Variants in MUCL1 observed in about 807,000 individuals in gnomAD.
The protein encoded by MUCL1 is mucin-like protein 1.
MUCL1 carries 11 observed loss-of-function variants against 9.2 expected under a neutral mutation model. That is an observed-to-expected ratio of 1.19 (90% CI 0.75 to 1.97). The LOEUF is 1.97. Ranked by LOEUF, MUCL1 falls within the 30% of genes most tolerant of loss-of-function variation. The pLI, the probability that MUCL1 is intolerant of heterozygous loss-of-function variation, is 0.00. For synonymous variants in MUCL1, 48 were observed against 40.5 expected, an observed-to-expected ratio of 1.19 and a Z score of -0.71; for missense variants, 144 against 110.9, an observed-to-expected ratio of 1.30 and a Z score of -1.34.
chr12:54,837,346 T>C (rs756860836), upstream of MUCL1, among the ~76,000 whole-genome samples: 1 of 152,122 alleles, frequency 6.6e-6, no homozygotes, highest in Non-Finnish European at 1.5e-5. Context: ...TTTTTTTGGG[T>C]TTTTATGTTT....
At chr12:54,855,690 G>T (rs1269281959) in intron 2 of MUCL1, among the ~76,000 whole-genome samples, 1 of 152,148 alleles carries the variant, frequency 6.6e-6, no homozygotes, top group Admixed American at 6.6e-5. Flanking sequence ...ACCTGAAAAC[G>T]AAGGTGGTAG....
At chr12:54,855,004 G>A (rs1050387421) in intron 1 of MUCL1, 112 bp from the exon 2 acceptor site, 9 of 870,486 alleles carry the variant, frequency 1.0e-5, no homozygotes, top group Middle Eastern at 2.2e-4. Context: ...GGTACACCAA[G>A]GACTGAGGGT....
intron 1 of MUCL1, among the ~76,000 whole-genome samples, chr12:54,848,290 T>C (rs1004493564): frequency 6.6e-6 from 1 of 152,138 alleles, no homozygotes; most frequent in Non-Finnish European, 1.5e-5. Flanking sequence ...CTTTGTGATA[T>C]GCTCTACATT....
At chr12:54,846,589 G>A (rs1472240965) in intron 1 of MUCL1, among the ~76,000 whole-genome samples, 1 of 152,142 alleles carries the variant, frequency 6.6e-6, no homozygotes, top group Non-Finnish European at 1.5e-5. Context: ...GCAGTGAGTG[G>A]GATGAGCCAT....
At chr12:54,839,524 T>G (rs1438573245) in intron 1 of MUCL1, 2 of 700,278 alleles carry the variant, frequency 2.9e-6, no homozygotes, top group South Asian at 1.5e-5. Flanking sequence ...CTCAGTGAAA[T>G]GCACTGAGGT....
chr12:54,840,410 A>T (rs1291094757), intron 1 of MUCL1, among the ~76,000 whole-genome samples: 1 of 152,210 alleles, frequency 6.6e-6, no homozygotes, highest in African/African-American at 2.4e-5. Flanking sequence ...AGAATGCTGT[A>T]TTATTCTGCC....
intron 2 of MUCL1, among the ~76,000 whole-genome samples, chr12:54,855,763 T>C (rs746941027): frequency 6.6e-6 from 1 of 152,254 alleles, no homozygotes; most frequent in Non-Finnish European, 1.5e-5. Context: ...GTACTGTGTG[T>C]GTGTTGTGCC....
chr12:54,856,872 C>A lies in MUCL1; in HGVS notation c.203C>A (p.Thr68Asn), dbSNP rs149273418. ...ACTGCAACCACCGCTGCTTCTACCA[C>A]TGCTCGTAAAGACATTCCAGGTAGC... Reference protein sequence around the residue: ...PTTATTAASTTARKDIPVLPK... With the variant: ...PTTATTAASTNARKDIPVLPK... Residue 68 changes from threonine to asparagine, a missense_variant, in exon 3 of 4, where the codon ACT becomes AAT. By Grantham distance (65) the Thr-to-Asn change is moderately conservative. Transcript: ENST00000308796. 37 of 1,613,884 alleles carry A rather than the reference C, an allele frequency of 2.3e-5. No homozygotes were observed. In the African/African-American group the frequency reaches 4.3e-4, roughly 19 times the overall value.
intron 1 of MUCL1, among the ~76,000 whole-genome samples, chr12:54,845,119 TGCCCACACATG>T (rs1382116038): frequency 1.3e-5 from 2 of 152,350 alleles, no homozygotes; most frequent in South Asian, 2.1e-4. Flanking sequence ...TCGGCCAGAA[TGCCCACACATG>T]GCCTTTCTTT....
At chr12:54,842,954 C>A (rs1034423821) in intron 1 of MUCL1, among the ~76,000 whole-genome samples, 1 of 152,056 alleles carries the variant, frequency 6.6e-6, no homozygotes, top group East Asian at 1.9e-4. Flanking sequence ...TGTTTAGATA[C>A]GTTTAGACAC....
intron 3 of MUCL1, among the ~76,000 whole-genome samples, chr12:54,857,597 G>A (rs1010009274): frequency 6.6e-6 from 1 of 152,074 alleles, no homozygotes; most frequent in Admixed American, 6.6e-5. Flanking sequence ...GTCATTCTAT[G>A]AAGTAAACAT....
At chr12:54,833,952 C>T (rs1959188922) in intron 1 of MUCL1, among the ~76,000 whole-genome samples, 1 of 139,342 alleles carries the variant, frequency 7.2e-6, no homozygotes, top group Non-Finnish European at 1.6e-5. Context: ...GCACATGTAC[C>T]CTAAAACTTA....
intron 1 of MUCL1, among the ~76,000 whole-genome samples, chr12:54,844,415 G>A (rs1416504470): frequency 6.6e-6 from 1 of 152,116 alleles, no homozygotes; most frequent in Non-Finnish European, 1.5e-5. Context: ...GATGAACCAT[G>A]ACACACATTT....
chr12:54,833,688 G>A (rs1449512540), intron 1 of MUCL1, among the ~76,000 whole-genome samples: 1 of 151,958 alleles, frequency 6.6e-6, no homozygotes, highest in East Asian at 1.9e-4. Context: ...GGATGAAGCT[G>A]GAAACCATCA....
chr12:54,849,554 A>G (rs2135944021), upstream of MUCL1, among the ~76,000 whole-genome samples: 1 of 152,154 alleles, frequency 6.6e-6, no homozygotes, highest in Admixed American at 6.5e-5. Context: ...TTACATATCC[A>G]CTAGTATATA....
chr12:54,849,302 A>G (rs546121978), intron 1 of MUCL1, among the ~76,000 whole-genome samples: 16 of 152,252 alleles, frequency 1.1e-4, no homozygotes, highest in African/African-American at 3.8e-4. Flanking sequence ...AATATTAGCC[A>G]TAAAGGAGTA....
At chr12:54,856,700 A>G in intron 2 of MUCL1, 70 bp from the exon 3 acceptor site, 1 of 1,544,738 alleles carries the variant, frequency 6.5e-7, no homozygotes, top group Non-Finnish European at 8.8e-7. Flanking sequence ...ATGTATGTCT[A>G]CCCCTGGGTG....
At chr12:54,835,540 G>T (rs1042587186), upstream of MUCL1, among the ~76,000 whole-genome samples, 1 of 150,162 alleles carries the variant, frequency 6.7e-6, no homozygotes, top group African/African-American at 2.4e-5. Flanking sequence ...TATATTTATT[G>T]GCCATTTGTA....
chr12:54,832,906 C>T (rs980407882), intron 1 of MUCL1, among the ~76,000 whole-genome samples: 1 of 151,958 alleles, frequency 6.6e-6, no homozygotes, highest in Non-Finnish European at 1.5e-5. Flanking sequence ...ATAAAGTGAT[C>T]AGCTATAATT....
Sources: gnomAD v4.1 joint callset for allele counts (sites outside exome capture counted in the v4.1 genomes callset) on GRCh38, gnomAD v4.1.1 for gene constraint, MANE v1.5 for transcripts, NCBI Gene and HGNC (gene_info 2026-07-23, HGNC 2026-07-21) for gene names.